Variants in AUH observed in about 807,000 individuals in gnomAD.
AUH encodes AU RNA binding methylglutaconyl-CoA hydratase, also known as methylglutaconyl-CoA hydratase, mitochondrial.
A neutral mutation model predicts 42.3 loss-of-function variants in AUH; 29 were observed. The observed-to-expected ratio is 0.69, with a 90% CI of 0.51 to 0.93. The LOEUF (loss-of-function observed/expected upper bound fraction) is 0.93. AUH is among the 40% of genes least tolerant of loss of function. AUH has a pLI of 0.00. For synonymous variants in AUH, 174 were observed against 166.4 expected (o/e 1.05, Z -0.35); for missense variants, 452 against 438.1 (o/e 1.03, Z -0.28).
intron 6 of AUH, among the ~76,000 whole-genome samples, chr9:91,225,499 C>T (rs998140605): frequency 1.3e-5 from 2 of 152,042 alleles, no homozygotes; most frequent in Non-Finnish European, 2.9e-5. Context: ...CTGCTAGTTC[C>T]CTTAGGCATC....
chr9:91,292,597 C>T (rs1827001832), intron 6 of AUH, among the ~76,000 whole-genome samples: 2 of 151,840 alleles, frequency 1.3e-5, no homozygotes, highest in Non-Finnish European at 2.9e-5. Context: ...TCTTCTTCCA[C>T]TTGGGGTTTC....
intron 6 of AUH, among the ~76,000 whole-genome samples, chr9:91,257,585 G>C: frequency 6.6e-6 from 1 of 152,142 alleles, no homozygotes; most frequent in Non-Finnish European, 1.5e-5. Context: ...TGCCACCAAT[G>C]GGTCCCTCAT....
At chr9:91,304,613 G>A (rs1828069277) in intron 4 of AUH, among the ~76,000 whole-genome samples, 2 of 152,132 alleles carry the variant, frequency 1.3e-5, no homozygotes, top group African/African-American at 4.8e-5. Flanking sequence ...AGAAATTTGG[G>A]TTCCACATAC....
intron 6 of AUH, among the ~76,000 whole-genome samples, chr9:91,262,324 G>C (rs1017573246): frequency 1.3e-5 from 2 of 152,158 alleles, no homozygotes; most frequent in South Asian, 4.1e-4. Context: ...ATATTTTAAT[G>C]TAGTATTGCA....
chr9:91,314,272 A>C (rs1318674736), intron 4 of AUH, among the ~76,000 whole-genome samples: 14 of 152,262 alleles, frequency 9.2e-5, no homozygotes, highest in Non-Finnish European at 2.9e-5. Context: ...CAGGAGGCCA[A>C]GGCGGGAGGA....
At chr9:91,231,614 G>C (rs2131292490) in intron 6 of AUH, among the ~76,000 whole-genome samples, 1 of 152,286 alleles carries the variant, frequency 6.6e-6, no homozygotes. Context: ...ACATTAAGCA[G>C]TGGAATTAAA....
chr9:91,243,153 A>G (rs1186569088), intron 6 of AUH, among the ~76,000 whole-genome samples: 1 of 152,214 alleles, frequency 6.6e-6, no homozygotes, highest in Admixed American at 6.5e-5. Context: ...ATCCATATGC[A>G]CTAGTAAATC....
intron 6 of AUH, among the ~76,000 whole-genome samples, chr9:91,260,681 TG>T (rs1489550349): frequency 1.3e-5 from 2 of 152,196 alleles, no homozygotes; most frequent in African/African-American, 4.8e-5. Context: ...TCACTCAATT[TG>T]GGGAAGTTTT....
At chr9:91,309,935 C>CT (rs77451341) in intron 4 of AUH, among the ~76,000 whole-genome samples, 19,057 of 152,016 alleles carry the variant, frequency 0.13, 1,745 homozygotes, top group African/African-American at 0.26. Flanking sequence ...AGTCCTCAGA[C>CT]TTTTTTTTAT....
In AUH at chr9:91,355,936, T is replaced by C. The variant is rs1452693365; in HGVS notation, c.365A>G (p.Lys122Arg). 1.2e-6 allele frequency: 2 copies of C among 1,613,590 alleles called. No homozygotes were observed. Among genetic ancestry groups the C allele is most frequent in the African/African-American group, 2.7e-5 (2 of 74,890 alleles). ...SKAVDALKSD[K>R]KVRTIIIRSE... ...CCTGATTATTATGGTCCGTACTTTC[T>C]TATCAGATTTCAAAGCATCCACAGC... is the stretch of plus-strand genomic sequence containing the variant. The change falls in exon 3 of 10, where the codon AAG (lysine) becomes AGG (arginine). Residue 122 changes from lysine to arginine, a missense_variant. Lys to Arg is a conservative substitution (Grantham distance 26). Coordinates refer to ENST00000375731, the MANE Select transcript of AUH (RefSeq NM_001698.3).
intron 4 of AUH, among the ~76,000 whole-genome samples, chr9:91,298,443 T>C (rs536441641): frequency 7.2e-5 from 11 of 152,346 alleles, no homozygotes; most frequent in African/African-American, 2.2e-4. Flanking sequence ...AAATGACTTA[T>C]ACATAATTGT....
At chr9:91,347,542 C>T (rs141865752) in intron 3 of AUH, among the ~76,000 whole-genome samples, 1 of 152,156 alleles carries the variant, frequency 6.6e-6, no homozygotes, top group African/African-American at 2.4e-5. Context: ...GCTGCCCCCC[C>T]ATCCTGAAGC....
intron 1 of AUH, 65 bp downstream of exon 1, chr9:91,361,563 T>A: frequency 6.5e-7 from 1 of 1,541,340 alleles, no homozygotes; most frequent in Non-Finnish European, 8.7e-7. Flanking sequence ...ACGCTGCACC[T>A]TATGCCCGTC....
chr9:91,281,178 G>A lies in AUH; in HGVS notation c.655+14843C>T, dbSNP rs533579015. Among the ~76,000 whole-genome samples the A allele has an allele frequency of 3.3e-5, 5 of 152,098 alleles. No individual in the cohort carries two copies. The South Asian group carries it at 1.0e-3, about 32-fold the overall frequency. On this transcript the variant is annotated intron_variant, in intron 6 of 9. Coordinates refer to ENST00000375731, the MANE Select transcript of AUH (RefSeq NM_001698.3). ...TTAACCTTTCAGTATTATCCCACAG[G>A]TTCCTACGGTTCAGTTCATTTATTT...
chr9:91,310,134 A>C (rs1828590324), intron 4 of AUH, among the ~76,000 whole-genome samples: 1 of 152,162 alleles, frequency 6.6e-6, no homozygotes, highest in Non-Finnish European at 1.5e-5. Context: ...CTTCCATCCC[A>C]ATCTAGCAAA....
chr9:91,282,335 A>AT lies in AUH; in HGVS notation c.655+13685dup, dbSNP rs111581720. ...ACACTCTCCTTGGACCCCTTCCCCT[A>AT]TTTTTTTTTTCTATAGCACCTTCCA... On this transcript the variant is annotated intron_variant, in intron 6 of 9. Coordinates refer to ENST00000375731, the MANE Select transcript of AUH (RefSeq NM_001698.3). 9.6e-4 allele frequency among the ~76,000 whole-genome samples: 141 copies of AT among 146,498 alleles called. 1 individual carries two copies. Among genetic ancestry groups the AT allele is most frequent in the African/African-American group, 3.0e-3 (122 of 40,084 alleles).
chr9:91,258,479 C>A lies in AUH; in HGVS notation c.656-37487G>T, dbSNP rs147712506. Among the ~76,000 whole-genome samples the A allele has an allele frequency of 3.6e-3, 543 of 152,290 alleles. 7 individuals are homozygous for A. Among genetic ancestry groups the A allele is most frequent in the African/African-American group, 0.013 (520 of 41,544 alleles). ...CAAACTCCTGACTTCAGGTGATCCA[C>A]CCGCCATGGCCTCCCAAAGTGCTGA... On this transcript the variant is annotated intron_variant, in intron 6 of 9. Coordinates refer to ENST00000375731, the MANE Select transcript of AUH (RefSeq NM_001698.3).
At chr9:91,234,035 C>G (rs374979351) in intron 6 of AUH, among the ~76,000 whole-genome samples, 16 of 152,194 alleles carry the variant, frequency 1.1e-4, no homozygotes, top group African/African-American at 3.4e-4. Flanking sequence ...CCAACAAGCT[C>G]AGAGAGAGAC....
chr9:91,299,095 G>A (rs1016921488), intron 4 of AUH, among the ~76,000 whole-genome samples: 2 of 152,114 alleles, frequency 1.3e-5, no homozygotes, highest in Non-Finnish European at 2.9e-5. Context: ...GCGGGTGCCT[G>A]TAATCCAAGC....
Sources: allele counts gnomAD v4.1 joint callset (sites outside exome capture counted in the v4.1 genomes callset), GRCh38; gene constraint gnomAD v4.1.1; transcripts MANE v1.5; gene names NCBI Gene and HGNC (gene_info 2026-07-23, HGNC 2026-07-21).